DNAJC6: variants seen among roughly 807,000 people sequenced by gnomAD.
DNAJC6 encodes auxilin.
Under a neutral mutation model 110.0 loss-of-function variants are expected in DNAJC6, and 34 were observed. The ratio of observed to expected loss-of-function variants is 0.31; its 90% confidence interval spans 0.24 to 0.41. The LOEUF (loss-of-function observed/expected upper bound fraction) is 0.41, where lower values mean the gene tolerates loss of function less well. Among genes scored for constraint, DNAJC6 ranks in the 10% least tolerant of loss-of-function variants. The pLI, the probability that DNAJC6 is intolerant of heterozygous loss-of-function variation, is 1.00. For synonymous variants in DNAJC6, 406 were observed against 437.2 expected (o/e 0.93, Z 0.89); for missense variants, 1,031 against 1,207.8 (o/e 0.85, Z 2.17).
intron 1 of DNAJC6, among the ~76,000 whole-genome samples, chr1:65,330,684 G>T (rs112495750): frequency 0.012 from 1,821 of 152,262 alleles, 28 homozygotes; most frequent in Middle Eastern, 0.061. Flanking sequence ...AGCCAGGATG[G>T]TCTCAATCTC....
intron 4 of DNAJC6, among the ~76,000 whole-genome samples, chr1:65,368,619 T>C (rs866537453): frequency 3.4e-5 from 5 of 146,886 alleles, no homozygotes; most frequent in Admixed American, 2.0e-4. Context: ...TCCTTCTCCT[T>C]CTTCTCCTTC....
intron 1 of DNAJC6, among the ~76,000 whole-genome samples, chr1:65,317,915 GA>G (rs760247156): frequency 1.3e-5 from 2 of 152,310 alleles, no homozygotes; most frequent in East Asian, 3.9e-4. Context: ...TGTAGGAAAA[GA>G]AAGAAAGAAA....
chr1:65,281,036 A>G (rs1249226363), intron 1 of DNAJC6, among the ~76,000 whole-genome samples: 1 of 151,968 alleles, frequency 6.6e-6, no homozygotes, highest in South Asian at 2.1e-4. Flanking sequence ...CCTGGGTTCA[A>G]GCAGTTCTTG....
chr1:65,350,913 G>T (rs776039099), intron 1 of DNAJC6, among the ~76,000 whole-genome samples: 1 of 152,182 alleles, frequency 6.6e-6, no homozygotes, highest in African/African-American at 2.4e-5. Context: ...GGCAGTCTCT[G>T]CTGGGCCTTG....
At chr1:65,329,906 G>A (rs906826190) in intron 1 of DNAJC6, among the ~76,000 whole-genome samples, 8 of 152,140 alleles carry the variant, frequency 5.3e-5, no homozygotes, top group South Asian at 2.1e-4. Flanking sequence ...TCTGTATCTA[G>A]GTGGCTTGTA....
chr1:65,353,437 A>T (rs1645510987), intron 1 of DNAJC6, among the ~76,000 whole-genome samples: 1 of 152,204 alleles, frequency 6.6e-6, no homozygotes, highest in Admixed American at 6.5e-5. Context: ...ATATCCATGT[A>T]AAGTTTTATA....
chr1:65,281,755 C>T (rs1364571074), intron 1 of DNAJC6, among the ~76,000 whole-genome samples: 1 of 151,906 alleles, frequency 6.6e-6, no homozygotes, highest in African/African-American at 2.4e-5. Flanking sequence ...ACTACAGGCG[C>T]CAGCCACCAC....
chr1:65,300,297 A>G lies in DNAJC6; in HGVS notation c.-131+35365A>G, dbSNP rs781732068. Among the ~76,000 whole-genome samples the G allele has an allele frequency of 1.0e-3, 155 of 152,278 alleles. 1 individual carries two copies. Among genetic ancestry groups the G allele is most frequent in the South Asian group, 3.9e-3 (19 of 4,826 alleles). On this transcript the variant is annotated intron_variant, in intron 1 of 19. Transcript: ENST00000263441. Reference sequence around the variant, plus strand: ...GTGAATGTCTTCCACCCTCAAGGTTAACTCATGGTCCAAGTACCTGCTGGA... The same window carrying G: ...GTGAATGTCTTCCACCCTCAAGGTTGACTCATGGTCCAAGTACCTGCTGGA...
At chr1:65,363,972 T>C (rs12062301) in intron 1 of DNAJC6, among the ~76,000 whole-genome samples, 289 of 152,178 alleles carry the variant, frequency 1.9e-3, no homozygotes, top group African/African-American at 6.7e-3. Context: ...AGTGAACCAG[T>C]GCTTTAAGGG....
At chr1:65,330,441 G>A (rs1003116550) in intron 1 of DNAJC6, among the ~76,000 whole-genome samples, 18 of 152,218 alleles carry the variant, frequency 1.2e-4, no homozygotes, top group African/African-American at 4.1e-4. Flanking sequence ...AGTGGCTTAA[G>A]CAGATGAAAG....
At chr1:65,408,602 G>C (rs771265755) in intron 16 of DNAJC6, 39 bp from the exon 17 acceptor site, 19 of 1,593,106 alleles carry the variant, frequency 1.2e-5, no homozygotes, top group Non-Finnish European at 9.4e-6. Flanking sequence ...TTATGTTTAA[G>C]AATGAAAACT....
intron 1 of DNAJC6, among the ~76,000 whole-genome samples, chr1:65,350,476 A>T (rs1645480346): frequency 6.6e-6 from 1 of 152,040 alleles, no homozygotes; most frequent in African/African-American, 2.4e-5. Context: ...ATTTCTATTT[A>T]CTGCTCTTTT....
intron 18 of DNAJC6, 89 bp downstream of exon 18, chr1:65,411,515 A>G: frequency 8.0e-7 from 1 of 1,252,958 alleles, no homozygotes; most frequent in Non-Finnish European, 1.1e-6. Flanking sequence ...GTGCTGGTTC[A>G]TATGGCCTAT....
intron 1 of DNAJC6, among the ~76,000 whole-genome samples, chr1:65,292,345 T>A (rs964278340): frequency 9.9e-5 from 15 of 151,360 alleles, no homozygotes; most frequent in Non-Finnish European, 1.8e-4. Flanking sequence ...TTTTTTTTTT[T>A]AATGAATATT....
intron 5 of DNAJC6, among the ~76,000 whole-genome samples, chr1:65,383,724 AT>A (rs1645844533): frequency 6.6e-6 from 1 of 152,162 alleles, no homozygotes; most frequent in South Asian, 2.1e-4. Context: ...TCCACAACAG[AT>A]TTATTTCTAC....
At chr1:65,339,188 A>G (rs1216380122) in intron 1 of DNAJC6, among the ~76,000 whole-genome samples, 2 of 149,678 alleles carry the variant, frequency 1.3e-5, no homozygotes, top group East Asian at 1.9e-4. Context: ...GGTTCTTAAG[A>G]AAAAAAAAAT....
At chr1:65,365,322 T>C (rs1383475831) in intron 2 of DNAJC6, among the ~76,000 whole-genome samples, 11 of 152,172 alleles carry the variant, frequency 7.2e-5, no homozygotes, top group Admixed American at 7.2e-4. Context: ...GTCATAGGAG[T>C]TATTTTTTAT....
intron 18 of DNAJC6, among the ~76,000 whole-genome samples, chr1:65,411,830 G>C (rs1247253094): frequency 6.6e-6 from 1 of 152,114 alleles, no homozygotes; most frequent in Non-Finnish European, 1.5e-5. Context: ...AAATTAGCTG[G>C]TGTGGTGGCA....
At chr1:65,314,411 T>C (rs1014479829) in intron 1 of DNAJC6, among the ~76,000 whole-genome samples, 3 of 152,220 alleles carry the variant, frequency 2.0e-5, no homozygotes, top group Admixed American at 1.3e-4. Flanking sequence ...TATGTACTAA[T>C]AATCCTTTCT....
Sources: gnomAD v4.1 joint callset for allele counts (sites outside exome capture counted in the v4.1 genomes callset) on GRCh38, gnomAD v4.1.1 for gene constraint, MANE v1.5 for transcripts, NCBI Gene and HGNC (gene_info 2026-07-23, HGNC 2026-07-21) for gene names.